OGFOD2: variants seen among roughly 807,000 people sequenced by gnomAD.
OGFOD2 encodes the protein 2-oxoglutarate and iron dependent oxygenase domain containing 2, also known as 2-oxoglutarate and iron-dependent oxygenase domain-containing protein 2.
OGFOD2 carries 34 observed loss-of-function variants against 31.1 expected under a neutral mutation model. The observed-to-expected ratio is 1.09, with a 90% CI of 0.83 to 1.45. OGFOD2 has a LOEUF of 1.45. Ranked by LOEUF, OGFOD2 falls within the 40% of genes most tolerant of loss-of-function variation. The pLI, the probability that OGFOD2 is intolerant of heterozygous loss-of-function variation, is 0.00. For missense variants in OGFOD2, 537 were observed against 433.9 expected, an observed-to-expected ratio of 1.24 and a Z score of -2.11; for synonymous variants, 240 against 192.3, an observed-to-expected ratio of 1.25 and a Z score of -2.05.
intron 4 of OGFOD2, 22 bp downstream of exon 4, chr12:122,976,992 C>G (rs764417950): frequency 6.2e-7 from 1 of 1,600,314 alleles, no homozygotes; most frequent in Admixed American, 1.7e-5. Context: ...GCCCTGAGAC[C>G]TGGCAGGACC....
At chr12:122,976,540 A>G in intron 2 of OGFOD2, 114 bp from the exon 3 acceptor site, 1 of 1,304,566 alleles carries the variant, frequency 7.7e-7, no homozygotes, top group Middle Eastern at 1.8e-4. Context: ...TGTAGGCTAG[A>G]CTTGGCTTCC....
At chr12:122,976,873 T>G in exon 4 of OGFOD2, 1 of 1,603,424 alleles carries the variant, frequency 6.2e-7, no homozygotes, top group Non-Finnish European at 8.5e-7. Flanking sequence ...GCTCCCAGGA[T>G]GCAGCTCTGG....
upstream of OGFOD2, chr12:122,974,913 G>C (rs552548155): frequency 2.4e-5 from 5 of 209,210 alleles, no homozygotes; most frequent in Admixed American, 5.7e-5. Flanking sequence ...GCAGACGGCG[G>C]GGGGTGGGTC....
intron 4 of OGFOD2, chr12:122,977,253 A>G (rs1161935334): frequency 4.5e-6 from 2 of 444,792 alleles, no homozygotes; most frequent in East Asian, 5.0e-5. Context: ...CAGCTGGCAC[A>G]CTCAAACAGG....
At chr12:122,978,232 G>C (rs1413872817) in intron 4 of OGFOD2, 1 of 568,448 alleles carries the variant, frequency 1.8e-6, no homozygotes, top group Non-Finnish European at 3.1e-6. Flanking sequence ...GTGGACACTT[G>C]TAGAGTCTGG....
chr12:122,976,968 C>T (rs760370292), exon 4 of OGFOD2: 7 of 1,612,962 alleles, frequency 4.3e-6, no homozygotes, highest in African/African-American at 4.0e-5. Flanking sequence ...GAGACAGTAT[C>T]GGGTGAGGTC....
exon 7 of OGFOD2, chr12:122,979,314 C>T (rs914096272): frequency 6.2e-7 from 1 of 1,611,882 alleles, no homozygotes; most frequent in Admixed American, 1.7e-5. Context: ...CCGAGAGGAG[C>T]CCGCCACGGT....
chr12:122,976,471 T>C (rs370874184), intron 2 of OGFOD2, 183 bp from the exon 3 acceptor site: 25 of 1,531,222 alleles, frequency 1.6e-5, no homozygotes, highest in East Asian at 4.5e-5. Context: ...GGTCCCCTTC[T>C]AGAAGTCCCT....
chr12:122,976,372 C>G, intron 2 of OGFOD2: 1 of 1,613,862 alleles, frequency 6.2e-7, no homozygotes. Flanking sequence ...ATGACTGTCT[C>G]CTGTCCCTGT....
In OGFOD2 at chr12:122,979,316, CGCCA is replaced by C; in HGVS notation, c.1024_1027del (p.Ala342ArgfsTer132). 6.2e-7 allele frequency: 1 copy of C among 1,611,840 alleles called. No individual in the cohort carries two copies. The highest frequency in any genetic ancestry group is 2.2e-5 in the East Asian group (1 of 44,884). ...GTGATGGCTTCACCCGAGAGGAGCC[CGCCA>C]CGGTGGATGTATGTGCGCTCACCTG... On this transcript the variant is annotated frameshift_variant, in exon 7 of 7. Coordinates refer to ENST00000228922, the Ensembl canonical transcript of OGFOD2. LOFTEE classifies it high-confidence loss of function.
At position 122,975,388 on chromosome 12, in the gene OGFOD2, G is replaced by GT; in HGVS notation, c.132+6dup. On this transcript the variant is annotated splice_donor_region_variant and intron_variant, in intron 1 of 6. Coordinates refer to ENST00000228922, the Ensembl canonical transcript of OGFOD2. ...CTGCGCCGGGACTACGGCCCGGTGAGTGGCCGCTGTCGTCCCTACGGAGCA... is the reference window on the plus strand; with the variant it reads ...CTGCGCCGGGACTACGGCCCGGTGAGTTGGCCGCTGTCGTCCCTACGGAGCA... 1.4e-6 allele frequency: 1 copy of GT among 697,340 alleles called. No individual in the cohort carries two copies. The allele number at this position is 697,340 out of a possible 1,614,324, so 43.2% of individuals were successfully genotyped here. A position where few individuals can be genotyped will look rare whatever the true frequency, so the allele number is the denominator to read the frequency against.
At chr12:122,978,335 C>A in intron 4 of OGFOD2, 107 bp from the exon 5 acceptor site, 1 of 1,414,460 alleles carries the variant, frequency 7.1e-7, no homozygotes, top group Non-Finnish European at 9.7e-7. Flanking sequence ...CCCTGAAAAG[C>A]AAAGGCCTCA....
rs771444144 is a variant in OGFOD2, at chr12:122,978,939, G to A, written c.718G>A (p.Glu240Lys). 6.8e-6 allele frequency: 11 copies of A among 1,613,184 alleles called. No homozygotes were observed. In the East Asian group the frequency reaches 1.1e-4, roughly 16 times the overall value. Residue 240 changes from glutamate (E) to lysine (K), a missense_variant, in exon 6 of 7, where the codon GAG becomes AAG. Physicochemically the swap from Glu to Lys is moderately conservative, Grantham distance 56 (BLOSUM62 1). Transcript: ENST00000228922. ...GCTGGGCTGCCACTATGATAATGCC[G>A]AGCTCACCCTCAATGTGGCCTTGGG...
At chr12:122,976,470 C>A in intron 2 of OGFOD2, 184 bp from the exon 3 acceptor site, 2 of 1,528,716 alleles carry the variant, frequency 1.3e-6, no homozygotes, top group Non-Finnish European at 1.8e-6. Flanking sequence ...GGGTCCCCTT[C>A]TAGAAGTCCC....
At chr12:122,977,183 C>T (rs1238521894) in intron 4 of OGFOD2, 3 of 610,862 alleles carry the variant, frequency 4.9e-6, no homozygotes, top group East Asian at 5.9e-5. Context: ...TCATTCTTTC[C>T]TTCACCCTTC....
chr12:122,978,947 C>G (rs774052982), exon 6 of OGFOD2: 1 of 1,613,322 alleles, frequency 6.2e-7, no homozygotes. Flanking sequence ...CCGAGCTCAC[C>G]CTCAATGTGG....
chr12:122,977,206 A>C, intron 4 of OGFOD2: 2 of 552,160 alleles, frequency 3.6e-6, no homozygotes, highest in African/African-American at 1.9e-5. Flanking sequence ...TCGTGCCCTC[A>C]TCCAGCAAAT....
exon 6 of OGFOD2, chr12:122,978,998 G>C (rs768226462): frequency 6.2e-7 from 1 of 1,612,804 alleles, no homozygotes; most frequent in Non-Finnish European, 8.5e-7. Context: ...TGTATTTTGG[G>C]GGCCTCTTCC....
chr12:122,978,780 G>A lies in OGFOD2; in HGVS notation c.559G>A (p.Glu187Lys), dbSNP rs752551053. The change falls in exon 6 of 7, where the codon GAG becomes AAG. Residue 187 changes from glutamate (E) to lysine (K), a missense_variant. Glu to Lys is a moderately conservative substitution (Grantham distance 56, BLOSUM62 1). Coordinates refer to ENST00000228922, the Ensembl canonical transcript of OGFOD2. The stretch of plus-strand genomic sequence containing the variant: ...GCTGCTGCACGAGCTCGGGCTGGAC[G>A]AGCCGCTGATGACACCACTGCGGGA... 8.1e-6 allele frequency: 13 copies of A among 1,610,674 alleles called. 1 individual carries two copies. Among genetic ancestry groups the A allele is most frequent in the East Asian group, 4.5e-5 (2 of 44,848 alleles).
Sources: allele counts gnomAD v4.1 joint callset, GRCh38; gene constraint gnomAD v4.1.1; transcripts MANE v1.5; gene names NCBI Gene and HGNC (gene_info 2026-07-23, HGNC 2026-07-21).